FARS2: variants seen among roughly 807,000 people sequenced by gnomAD.
FARS2 encodes phenylalanine--tRNA ligase, mitochondrial.
Under a neutral mutation model 46.4 loss-of-function variants are expected in FARS2, and 40 were observed. The observed-to-expected ratio is 0.86, with a 90% CI of 0.67 to 1.12. The LOEUF (loss-of-function observed/expected upper bound fraction) is 1.12, where lower values mean the gene tolerates loss of function less well. Among genes scored for constraint, FARS2 ranks in the 50% most tolerant of loss-of-function variants. The probability of loss-of-function intolerance (pLI) is 0.00; values close to 1 mark genes in which losing one functional copy is unlikely to be tolerated. For missense variants in FARS2, 513 were observed against 567.9 expected, an observed-to-expected ratio of 0.90 and a Z score of 0.98; for synonymous variants, 234 against 214.9, an observed-to-expected ratio of 1.09 and a Z score of -0.78.
At chr6:5,341,257 T>TTTTTTTTTTTTC (rs552538194) in intron 1 of FARS2, among the ~76,000 whole-genome samples, 4 of 56,696 alleles carry the variant, frequency 7.1e-5, no homozygotes, top group Non-Finnish European at 1.3e-4. Context: ...TTTTTTTTTT[T>TTTTTTTTTTTTC]CCCTGTGAGA....
At position 5,741,932 on chromosome 6, in the gene FARS2, A is replaced by G. The variant is rs192039052; in HGVS notation, c.1218-29359A>G. ...CTCCCAAAGTGCTGGGATTACAGGC[A>G]TGAGCCACCACGCCCAGCTGGGACT... On this transcript the variant is annotated intron_variant, in intron 6 of 6. Coordinates refer to ENST00000274680, the MANE Select transcript of FARS2 (RefSeq NM_006567.5). Among the ~76,000 whole-genome samples, 492 of 152,338 alleles carry G rather than the reference A, an allele frequency of 3.2e-3. 3 individuals carry two copies. Among genetic ancestry groups the G allele is most frequent in the Non-Finnish European group, 5.7e-3 (390 of 68,032 alleles).
chr6:5,270,983 C>G (rs1765905013), intron 1 of FARS2, among the ~76,000 whole-genome samples: 1 of 152,162 alleles, frequency 6.6e-6, no homozygotes, highest in African/African-American at 2.4e-5. Flanking sequence ...CTGTTAAGCT[C>G]CCTTAGTATG....
intron 1 of FARS2, among the ~76,000 whole-genome samples, chr6:5,286,420 G>T (rs1454429264): frequency 2.0e-5 from 3 of 152,062 alleles, no homozygotes; most frequent in Non-Finnish European, 4.4e-5. Flanking sequence ...ATGTCACCAT[G>T]CCCGGCTAAT....
At chr6:5,619,714 G>C (rs1451039871) in intron 6 of FARS2, among the ~76,000 whole-genome samples, 1 of 151,780 alleles carries the variant, frequency 6.6e-6, no homozygotes, top group Non-Finnish European at 1.5e-5. Flanking sequence ...TTCTCGGTGT[G>C]GCTGGCCTGG....
chr6:5,259,923 G>A (rs763032626), upstream of FARS2, among the ~76,000 whole-genome samples: 1 of 152,146 alleles, frequency 6.6e-6, no homozygotes, highest in Non-Finnish European at 1.5e-5. Flanking sequence ...AACATACAAA[G>A]AGTAACAATA....
chr6:5,374,320 A>G (rs1358540621), intron 2 of FARS2, among the ~76,000 whole-genome samples: 1 of 152,162 alleles, frequency 6.6e-6, no homozygotes, highest in Non-Finnish European at 1.5e-5. Context: ...CTGAATATGT[A>G]CTGGGATTCA....
chr6:5,460,988 G>T (rs1419884943), intron 4 of FARS2, among the ~76,000 whole-genome samples: 2 of 151,664 alleles, frequency 1.3e-5, no homozygotes, highest in African/African-American at 4.9e-5. Flanking sequence ...GTGTGTGTTT[G>T]TGTATGTGTG....
intron 6 of FARS2, among the ~76,000 whole-genome samples, chr6:5,621,120 T>A (rs1212600707): frequency 6.6e-6 from 1 of 152,176 alleles, no homozygotes; most frequent in Non-Finnish European, 1.5e-5. Flanking sequence ...GGGGTGTTTG[T>A]TTGTTTTTGT....
intron 6 of FARS2, among the ~76,000 whole-genome samples, chr6:5,660,650 GAAAAAAA>G (rs58377881): frequency 1.9e-5 from 2 of 104,130 alleles, no homozygotes; most frequent in African/African-American, 7.7e-5. Context: ...CCCTGTCTCA[GAAAAAAA>G]AAAAAAAAAA....
chr6:5,349,031 T>G (rs576096136), intron 1 of FARS2, among the ~76,000 whole-genome samples: 1 of 152,284 alleles, frequency 6.6e-6, no homozygotes, highest in Admixed American at 6.5e-5. Context: ...AAGAAAACTA[T>G]GTCTATTTGC....
chr6:5,715,604 C>T (rs989967397), intron 6 of FARS2, among the ~76,000 whole-genome samples: 1 of 152,246 alleles, frequency 6.6e-6, no homozygotes, highest in South Asian at 2.1e-4. Flanking sequence ...GCTTCTTTTA[C>T]TCAGCATAAT....
intron 6 of FARS2, among the ~76,000 whole-genome samples, chr6:5,689,588 T>C (rs1398685977): frequency 6.6e-6 from 1 of 152,218 alleles, no homozygotes. Context: ...TTCTGTTCTT[T>C]TACATTTGCT....
At chr6:5,532,234 C>T (rs1234258697) in intron 4 of FARS2, among the ~76,000 whole-genome samples, 3 of 152,194 alleles carry the variant, frequency 2.0e-5, no homozygotes, top group Non-Finnish European at 4.4e-5. Context: ...TGAACATAGC[C>T]GTCCTCAGTT....
At chr6:5,599,670 A>G (rs1774399126) in intron 5 of FARS2, among the ~76,000 whole-genome samples, 1 of 152,212 alleles carries the variant, frequency 6.6e-6, no homozygotes, top group African/African-American at 2.4e-5. Context: ...ATATTCACAG[A>G]TATGTGATCT....
upstream of FARS2, among the ~76,000 whole-genome samples, chr6:5,256,451 T>C (rs187329951): frequency 2.5e-3 from 288 of 113,862 alleles, 4 homozygotes; most frequent in African/African-American, 8.9e-3. Flanking sequence ...GATCGCACCA[T>C]TGCCCTCCAG....
At chr6:5,648,103 T>C (rs1777165765) in intron 6 of FARS2, among the ~76,000 whole-genome samples, 1 of 152,242 alleles carries the variant, frequency 6.6e-6, no homozygotes. Context: ...TGTAAATCAA[T>C]ATACTTTTGT....
rs189645651 is a variant in FARS2, at chr6:5,319,155, G to A, written c.-21-49395G>A. On this transcript the variant is annotated intron_variant, in intron 1 of 6. Transcript: ENST00000274680. Reference sequence around the variant, plus strand: ...CAGGTGACCATCAGGTGATAGTCAGGAAGTTGTTATACTGTCTCTCTAAAA... The same window carrying A: ...CAGGTGACCATCAGGTGATAGTCAGAAAGTTGTTATACTGTCTCTCTAAAA... Among the ~76,000 whole-genome samples, 133 of 152,160 alleles carry A rather than the reference G, an allele frequency of 8.7e-4. 2 individuals carry two copies. Among genetic ancestry groups the A allele is most frequent in the Admixed American group, 2.1e-3 (32 of 15,290 alleles).
intron 4 of FARS2, among the ~76,000 whole-genome samples, chr6:5,492,649 T>C (rs1319108430): frequency 6.6e-6 from 1 of 152,256 alleles, no homozygotes; most frequent in Non-Finnish European, 1.5e-5. Flanking sequence ...TGAACTTTAT[T>C]TTGTATTCAA....
At chr6:5,730,287 C>T (rs183009292) in intron 6 of FARS2, among the ~76,000 whole-genome samples, 3 of 152,178 alleles carry the variant, frequency 2.0e-5, no homozygotes, top group East Asian at 1.9e-4. Flanking sequence ...AGCGAGAGAG[C>T]GCAATTGATT....
Sources: allele counts gnomAD v4.1 joint callset (sites outside exome capture counted in the v4.1 genomes callset), GRCh38; gene constraint gnomAD v4.1.1; transcripts MANE v1.5; gene names NCBI Gene and HGNC (gene_info 2026-07-23, HGNC 2026-07-21).